POFUT3: variants seen among roughly 807,000 people sequenced by gnomAD.
The protein encoded by POFUT3 is GDP-fucose protein O-fucosyltransferase 3.
At chr8:33,413,519 T>C in the POFUT3 span, among the ~76,000 whole-genome samples, 2 of 152,306 alleles carry the variant, frequency 1.3e-5, no homozygotes, top group African/African-American at 4.8e-5. Context: ...ACTGAGAAAT[T>C]AGTGTGTCTT....
the POFUT3 span, among the ~76,000 whole-genome samples, chr8:33,309,413 A>G: frequency 6.7e-6 from 1 of 150,002 alleles, no homozygotes; most frequent in South Asian, 2.1e-4. Flanking sequence ...CAAAACAGTC[A>G]CCTGAGACCT....
chr8:33,342,260 G>A, the POFUT3 span, among the ~76,000 whole-genome samples: 2 of 152,116 alleles, frequency 1.3e-5, no homozygotes, highest in Non-Finnish European at 2.9e-5. Context: ...AGGAGGCTGA[G>A]GCAGGAGGAT....
the POFUT3 span, among the ~76,000 whole-genome samples, chr8:33,400,166 GA>G: frequency 6.7e-6 from 1 of 148,936 alleles, no homozygotes; most frequent in Admixed American, 6.7e-5. Context: ...GGGGGGTGGG[GA>G]GGGGCCAGGC....
chr8:33,390,672 G>A, the POFUT3 span, among the ~76,000 whole-genome samples: 1 of 151,756 alleles, frequency 6.6e-6, no homozygotes, highest in Non-Finnish European at 1.5e-5. Context: ...TAGTCAAAAT[G>A]GTAGACAAGA....
the POFUT3 span, among the ~76,000 whole-genome samples, chr8:33,342,976 G>A: frequency 2.2e-3 from 332 of 151,966 alleles, 1 homozygote; most frequent in African/African-American, 7.0e-3. Flanking sequence ...GTGTGGTGTC[G>A]CATGCCTGTA....
At chr8:33,327,125 A>T in the POFUT3 span, among the ~76,000 whole-genome samples, 1 of 152,126 alleles carries the variant, frequency 6.6e-6, no homozygotes. Context: ...GAGTAGTGTG[A>T]TAGGAGGTGA....
chr8:33,386,290 G>A, the POFUT3 span, among the ~76,000 whole-genome samples: 1 of 150,678 alleles, frequency 6.6e-6, no homozygotes, highest in Non-Finnish European at 1.5e-5. Context: ...TTAGCATTTT[G>A]GAATTGGAAC....
chr8:33,400,233 C>T, the POFUT3 span, among the ~76,000 whole-genome samples: 2 of 151,232 alleles, frequency 1.3e-5, no homozygotes, highest in African/African-American at 4.9e-5. Flanking sequence ...AGGCAGATCA[C>T]CTGAGGCCAG....
chr8:33,332,796 A>T, the POFUT3 span, among the ~76,000 whole-genome samples: 1 of 152,060 alleles, frequency 6.6e-6, no homozygotes, highest in Non-Finnish European at 1.5e-5. Flanking sequence ...AGATAGATAG[A>T]CCAAAAAATA....
the POFUT3 span, among the ~76,000 whole-genome samples, chr8:33,348,276 C>G: frequency 6.7e-6 from 1 of 148,998 alleles, no homozygotes; most frequent in South Asian, 2.4e-4. Flanking sequence ...GTCTCAGAAC[C>G]AGTGAAGGAA....
chr8:33,418,411 CTTTTTTT>C, the POFUT3 span, among the ~76,000 whole-genome samples: 1 of 126,576 alleles, frequency 7.9e-6, no homozygotes, highest in Non-Finnish European at 1.6e-5. Context: ...AAAGGGAACT[CTTTTTTT>C]TTTTTTTTTT....
At chr8:33,362,565 GGAA>G in the POFUT3 span, among the ~76,000 whole-genome samples, 13 of 151,862 alleles carry the variant, frequency 8.6e-5, no homozygotes, top group East Asian at 1.9e-4. Flanking sequence ...ATAAAGGGAT[GGAA>G]GAAGATCTAT....
chr8:33,400,027 A>C, the POFUT3 span, among the ~76,000 whole-genome samples: 1 of 152,072 alleles, frequency 6.6e-6, no homozygotes, highest in Admixed American at 6.6e-5. Flanking sequence ...TAAAAATAAA[A>C]GTAAAGTGAA....
chr8:33,450,025 C>T, the POFUT3 span, among the ~76,000 whole-genome samples: 1 of 150,364 alleles, frequency 6.7e-6, no homozygotes, highest in Non-Finnish European at 1.5e-5. Flanking sequence ...GCAACCTCCA[C>T]CTCCCAAGTT....
At chr8:33,372,038 G>T in the POFUT3 span, 1 of 500,042 alleles carries the variant, frequency 2.0e-6, no homozygotes, top group Non-Finnish European at 2.6e-6. Flanking sequence ...GAAGAAGGTA[G>T]ACACACATAA....
the POFUT3 span, chr8:33,452,675 G>T: frequency 7.6e-6 from 1 of 131,162 alleles, no homozygotes; most frequent in South Asian, 2.4e-4. Flanking sequence ...AACATACTTA[G>T]ATTGTTACAC....
chr8:33,325,264 T>C, the POFUT3 span, among the ~76,000 whole-genome samples: 1 of 152,296 alleles, frequency 6.6e-6, no homozygotes, highest in East Asian at 1.9e-4. Flanking sequence ...CCTTTTTTCT[T>C]TCTCCTAAAT....
chr8:33,418,051 A>G, the POFUT3 span, among the ~76,000 whole-genome samples: 5 of 152,138 alleles, frequency 3.3e-5, no homozygotes, highest in South Asian at 4.1e-4. Context: ...CCGGGGTCCA[A>G]CCCACGCCCA....
the POFUT3 span, among the ~76,000 whole-genome samples, chr8:33,457,536 G>T: frequency 2.7e-5 from 4 of 150,518 alleles, no homozygotes; most frequent in Non-Finnish European, 4.4e-5. Flanking sequence ...TTTTTTTTTT[G>T]AGACAACTGG....
Sources: allele counts gnomAD v4.1 joint callset (sites outside exome capture counted in the v4.1 genomes callset), GRCh38; gene constraint gnomAD v4.1.1; transcripts MANE v1.5; gene names NCBI Gene and HGNC (gene_info 2026-07-23, HGNC 2026-07-21).